The following ANKRD55 variants were observed in gnomAD, a reference collection of about 807,000 sequenced individuals.
ANKRD55 encodes the protein ankyrin repeat domain 55, also known as ankyrin repeat domain-containing protein 55.
Under a neutral mutation model 60.6 loss-of-function variants are expected in ANKRD55, and 41 were observed. The observed-to-expected ratio is 0.68, with a 90% confidence interval of 0.53 to 0.88. ANKRD55 has a LOEUF of 0.88. Among genes scored for constraint, ANKRD55 ranks in the 40% least tolerant of loss-of-function variants. ANKRD55 has a pLI of 0.00. For synonymous variants in ANKRD55, 264 were observed against 290.3 expected, an observed-to-expected ratio of 0.91 and a Z score of 0.92; for missense variants, 732 against 767.6, an observed-to-expected ratio of 0.95 and a Z score of 0.55.
chr5:56,116,971 C>T (rs1027804312), intron 8 of ANKRD55, 189 bp from the exon 9 acceptor site: 8 of 525,480 alleles, frequency 1.5e-5, no homozygotes, highest in African/African-American at 2.0e-5. Context: ...GGCCTCTCCT[C>T]TAGCTCTAAG....
At chr5:56,217,108 C>G (rs1184213792) in intron 2 of ANKRD55, among the ~76,000 whole-genome samples, 3 of 152,298 alleles carry the variant, frequency 2.0e-5, no homozygotes, top group African/African-American at 7.2e-5. Flanking sequence ...CATTCCAAAA[C>G]CTGAAGTCTC....
At chr5:56,140,040 C>T (rs1022701772) in intron 7 of ANKRD55, among the ~76,000 whole-genome samples, 2 of 152,190 alleles carry the variant, frequency 1.3e-5, no homozygotes, top group Admixed American at 6.5e-5. Context: ...CCAATCTTTA[C>T]TGCTTTGTTT....
chr5:56,163,290 T>G (rs889180398), intron 5 of ANKRD55, among the ~76,000 whole-genome samples: 2 of 152,134 alleles, frequency 1.3e-5, no homozygotes, highest in African/African-American at 4.8e-5. Flanking sequence ...AGAAACCAGG[T>G]GTCTCATTGC....
At chr5:56,116,950 A>T in intron 8 of ANKRD55, 168 bp from the exon 9 acceptor site, 1 of 649,158 alleles carries the variant, frequency 1.5e-6, no homozygotes, top group Non-Finnish European at 2.5e-6. Context: ...ATGATGGTGG[A>T]CATGTGTAGG....
At chr5:56,165,368 TGAA>T (rs1758421978) in intron 5 of ANKRD55, among the ~76,000 whole-genome samples, 1 of 152,160 alleles carries the variant, frequency 6.6e-6, no homozygotes. Context: ...TGTGCTGAGG[TGAA>T]GAAGGCCAGG....
chr5:56,218,649 A>G (rs1759880707), intron 2 of ANKRD55, among the ~76,000 whole-genome samples: 1 of 152,268 alleles, frequency 6.6e-6, no homozygotes, highest in South Asian at 2.1e-4. Flanking sequence ...AACTTTGTGT[A>G]ACTCACTTTT....
intron 2 of ANKRD55, among the ~76,000 whole-genome samples, chr5:56,222,499 G>A (rs527337440): frequency 6.6e-4 from 100 of 152,354 alleles, no homozygotes; most frequent in South Asian, 3.7e-3. Flanking sequence ...GACGGAGAAT[G>A]ACTTTGATGA....
chr5:56,112,324 C>T (rs999269359), intron 9 of ANKRD55, among the ~76,000 whole-genome samples: 4 of 151,592 alleles, frequency 2.6e-5, no homozygotes, highest in Admixed American at 6.6e-5. Flanking sequence ...CTCAGAGACC[C>T]CTCCCCATTT....
intron 2 of ANKRD55, among the ~76,000 whole-genome samples, chr5:56,204,155 T>G (rs1462192197): frequency 6.6e-6 from 1 of 152,206 alleles, no homozygotes; most frequent in Admixed American, 6.5e-5. Context: ...TCATATCTTT[T>G]GCCCACTTTT....
chr5:56,165,930 A>G (rs1287469508), intron 5 of ANKRD55, among the ~76,000 whole-genome samples: 1 of 146,522 alleles, frequency 6.8e-6, no homozygotes, highest in African/African-American at 2.5e-5. Context: ...ACTCTGTCTC[A>G]AAAAAAAAAA....
At chr5:56,157,427 T>C (rs1184673450) in intron 6 of ANKRD55, among the ~76,000 whole-genome samples, 2 of 152,126 alleles carry the variant, frequency 1.3e-5, no homozygotes, top group Non-Finnish European at 1.5e-5. Context: ...AAAGGGTCTG[T>C]GCTGAGGAGG....
rs1759238255 is a variant in ANKRD55 at position 56,196,805 on chromosome 5, C to G, written c.59-13171G>C. ...TCTGCAGACCCCAGTCTCAGAAATT[C>G]TAACTTAAGCATGGGGCCCAAGAGT... is the stretch of plus-strand genomic sequence containing the variant. On this transcript the variant is annotated intron_variant, in intron 2 of 11. Coordinates refer to ENST00000341048, the MANE Select transcript of ANKRD55 (RefSeq NM_024669.3). Among the ~76,000 whole-genome samples the G allele has an allele frequency of 3.3e-5, 5 of 152,300 alleles. No individual in the cohort carries two copies. In the South Asian group the frequency reaches 1.0e-3, roughly 32 times the overall value.
chr5:56,198,406 C>T (rs184050652), intron 2 of ANKRD55, among the ~76,000 whole-genome samples: 1 of 152,066 alleles, frequency 6.6e-6, no homozygotes, highest in African/African-American at 2.4e-5. Context: ...CTTCCTCAGC[C>T]TCCCGAGTAG....
chr5:56,101,553 T>C (rs1221837285), intron 11 of ANKRD55, among the ~76,000 whole-genome samples: 2 of 152,150 alleles, frequency 1.3e-5, no homozygotes, highest in Non-Finnish European at 2.9e-5. Flanking sequence ...ATAATAAAAC[T>C]TGCTTTATTA....
intron 6 of ANKRD55, among the ~76,000 whole-genome samples, chr5:56,150,368 A>G (rs1580983054): frequency 6.6e-6 from 1 of 151,858 alleles, no homozygotes; most frequent in East Asian, 1.9e-4. Context: ...AAACAACCTT[A>G]TATGTTATTA....
intron 10 of ANKRD55, 46 bp from the exon 11 acceptor site, chr5:56,102,632 T>C: frequency 1.4e-6 from 2 of 1,386,564 alleles, no homozygotes; most frequent in South Asian, 2.3e-5. Flanking sequence ...CTCAACCAAG[T>C]GCAAATTACA....
intron 5 of ANKRD55, 72 bp downstream of exon 5, chr5:56,170,622 A>T (rs755939260): frequency 9.9e-6 from 12 of 1,206,620 alleles, no homozygotes; most frequent in African/African-American, 1.5e-5. Context: ...CCACAGAGGG[A>T]TGGATTAGAT....
At chr5:56,172,043 C>G (rs1334916096) in intron 4 of ANKRD55, among the ~76,000 whole-genome samples, 3 of 151,116 alleles carry the variant, frequency 2.0e-5, no homozygotes, top group Non-Finnish European at 4.4e-5. Context: ...GGCGTGAACC[C>G]GGGAGGCAGA....
intron 8 of ANKRD55, among the ~76,000 whole-genome samples, chr5:56,121,295 A>G (rs1757046090): frequency 6.6e-6 from 1 of 152,168 alleles, no homozygotes; most frequent in Non-Finnish European, 1.5e-5. Context: ...AGGTTAAATT[A>G]TAGATAAAAA....
Sources: allele counts gnomAD v4.1 joint callset (sites outside exome capture counted in the v4.1 genomes callset), GRCh38; gene constraint gnomAD v4.1.1; transcripts MANE v1.5; gene names NCBI Gene and HGNC (gene_info 2026-07-23, HGNC 2026-07-21).